The following TOX variants were observed in gnomAD, a reference collection of about 807,000 sequenced individuals.
TOX encodes the protein thymocyte selection associated high mobility group box.
A neutral mutation model predicts 53.7 loss-of-function variants in TOX; 11 were observed. The ratio of observed to expected loss-of-function variants is 0.20; its 90% confidence interval spans 0.13 to 0.34. TOX has a LOEUF of 0.34. Ranked by LOEUF, TOX falls within the 10% of genes least tolerant of loss-of-function variation. The pLI is 1.00. For missense variants in TOX, 570 were observed against 664.6 expected (o/e 0.86, Z 1.56); for synonymous variants, 225 against 245.3 (o/e 0.92, Z 0.77).
chr8:58,941,909 C>T (rs1812448009), intron 2 of TOX, among the ~76,000 whole-genome samples: 1 of 151,744 alleles, frequency 6.6e-6, no homozygotes, highest in African/African-American at 2.4e-5. Flanking sequence ...AAAAATTAGC[C>T]GGGTGTGGTG....
At chr8:58,893,857 A>G (rs1811598624) in intron 3 of TOX, among the ~76,000 whole-genome samples, 1 of 152,250 alleles carries the variant, frequency 6.6e-6, no homozygotes. Flanking sequence ...AAATGCATGA[A>G]GAGGCGAATT....
chr8:58,861,384 A>G (rs529315538), intron 3 of TOX, among the ~76,000 whole-genome samples: 1 of 152,340 alleles, frequency 6.6e-6, no homozygotes, highest in South Asian at 2.1e-4. Context: ...ACCTATGATT[A>G]GAATCAACGA....
rs540599679 is a variant in TOX at position 59,071,492 on chromosome 8, T to C, written c.102+47394A>G. On this transcript the variant is annotated intron_variant, in intron 1 of 8. Transcript: ENST00000361421. ...GCAGCTTGTTTTAGTTATGTCTTAA[T>C]TAAATGGAGTTGCACATTTAGAAGC... Among the ~76,000 whole-genome samples the C allele has an allele frequency of 2.0e-5, 3 of 152,336 alleles. No individual in the cohort carries two copies. In the South Asian group the frequency reaches 6.2e-4, roughly 32 times the overall value.
chr8:59,110,996 C>T (rs1805006561), intron 1 of TOX, among the ~76,000 whole-genome samples: 1 of 152,106 alleles, frequency 6.6e-6, no homozygotes, highest in Non-Finnish European at 1.5e-5. Flanking sequence ...AATAATCTAC[C>T]TACTTAATTC....
intron 3 of TOX, among the ~76,000 whole-genome samples, chr8:58,852,192 G>T (rs562825738): frequency 2.0e-5 from 3 of 152,082 alleles, no homozygotes; most frequent in African/African-American, 7.2e-5. Flanking sequence ...TAGAGTGTCT[G>T]TCAAAATTAT....
At chr8:59,043,304 T>C (rs1483188992) in intron 1 of TOX, among the ~76,000 whole-genome samples, 5 of 151,966 alleles carry the variant, frequency 3.3e-5, no homozygotes, top group African/African-American at 1.2e-4. Context: ...CAACTAGATA[T>C]GTGTTAAAGT....
At chr8:58,921,657 T>C (rs1408579546) in intron 3 of TOX, among the ~76,000 whole-genome samples, 1 of 152,192 alleles carries the variant, frequency 6.6e-6, no homozygotes, top group Non-Finnish European at 1.5e-5. Context: ...CTCAAACTCT[T>C]CTCTGCCCTT....
At chr8:59,104,489 A>G (rs1333839090) in intron 1 of TOX, among the ~76,000 whole-genome samples, 1 of 152,096 alleles carries the variant, frequency 6.6e-6, no homozygotes, top group African/African-American at 2.4e-5. Context: ...CTTATTACAC[A>G]TGACTAATTA....
intron 3 of TOX, among the ~76,000 whole-genome samples, chr8:58,906,007 A>T (rs768849331): frequency 6.6e-6 from 1 of 152,160 alleles, no homozygotes; most frequent in African/African-American, 2.4e-5. Flanking sequence ...TTGTTTAAGG[A>T]TGTACTTTTC....
chr8:58,909,270 T>C (rs1811869874), intron 3 of TOX, among the ~76,000 whole-genome samples: 1 of 152,172 alleles, frequency 6.6e-6, no homozygotes, highest in South Asian at 2.1e-4. Flanking sequence ...GGTGATGGGT[T>C]GATAGGTGCA....
At chr8:59,019,835 A>G (rs1311487357) in intron 1 of TOX, among the ~76,000 whole-genome samples, 1 of 152,178 alleles carries the variant, frequency 6.6e-6, no homozygotes, top group Non-Finnish European at 1.5e-5. Context: ...AGTGTATTTC[A>G]TATATTCTAC....
In TOX at chr8:58,852,099, G is replaced by T. The variant is rs540498654; in HGVS notation, c.412-294C>A. ...AGTCTTTCTACACTAGTGAAATATA[G>T]AAATATATTATTTATATATGTATTT... On this transcript the variant is annotated intron_variant, in intron 3 of 8. Coordinates refer to ENST00000361421, the MANE Select transcript of TOX (RefSeq NM_014729.3). Among the ~76,000 whole-genome samples the T allele has an allele frequency of 1.3e-4, 20 of 151,872 alleles. No individual in the cohort carries two copies. The East Asian group carries it at 3.3e-3, about 25-fold the overall frequency.
intron 1 of TOX, among the ~76,000 whole-genome samples, chr8:58,968,983 T>C (rs1812953289): frequency 6.6e-6 from 1 of 152,120 alleles, no homozygotes; most frequent in Non-Finnish European, 1.5e-5. Flanking sequence ...AGTGGTAGTA[T>C]CAAATAAAAA....
intron 3 of TOX, among the ~76,000 whole-genome samples, chr8:58,880,911 A>G (rs942440093): frequency 1.3e-5 from 2 of 152,184 alleles, no homozygotes; most frequent in Non-Finnish European, 2.9e-5. Context: ...TGAAGATGTG[A>G]ATAATGTACC....
rs143766552 is a variant in TOX at position 58,897,178 on chromosome 8, A to G, written c.411+42124T>C. Among the ~76,000 whole-genome samples the G allele has an allele frequency of 6.6e-3, 1,012 of 152,300 alleles. 10 individuals carry two copies. Among genetic ancestry groups the G allele is most frequent in the African/African-American group, 0.023 (956 of 41,570 alleles). Reference sequence around the variant, plus strand: ...GAAAGTTCTATAAGCAAATTCACCTATATAAAAATGCCCTGCCTTTCCCAG... The same window carrying G: ...GAAAGTTCTATAAGCAAATTCACCTGTATAAAAATGCCCTGCCTTTCCCAG... On this transcript the variant is annotated intron_variant, in intron 3 of 8. Coordinates refer to ENST00000361421, the MANE Select transcript of TOX (RefSeq NM_014729.3).
At chr8:59,056,349 T>C (rs1803887963) in intron 1 of TOX, among the ~76,000 whole-genome samples, 1 of 147,820 alleles carries the variant, frequency 6.8e-6, no homozygotes, top group African/African-American at 2.5e-5. Flanking sequence ...GGTGGATCAC[T>C]TGAGCCCAGG....
intron 6 of TOX, among the ~76,000 whole-genome samples, chr8:58,825,021 A>G (rs1032291176): frequency 1.3e-5 from 2 of 152,202 alleles, no homozygotes; most frequent in African/African-American, 4.8e-5. Context: ...TAATGTAGAA[A>G]AAATATGTTT....
At chr8:59,027,359 T>C (rs1814263665) in intron 1 of TOX, among the ~76,000 whole-genome samples, 1 of 152,176 alleles carries the variant, frequency 6.6e-6, no homozygotes, top group Non-Finnish European at 1.5e-5. Context: ...AAAAAAAGTG[T>C]GATCTTCGAG....
intron 5 of TOX, 67 bp downstream of exon 5, chr8:58,838,014 G>A (rs778075443): frequency 1.0e-5 from 15 of 1,467,220 alleles, no homozygotes; most frequent in Non-Finnish European, 1.4e-5. Context: ...CAAGCCCTGG[G>A]AGGCCATTTC....
Sources: allele counts gnomAD v4.1 joint callset (sites outside exome capture counted in the v4.1 genomes callset), GRCh38; gene constraint gnomAD v4.1.1; transcripts MANE v1.5; gene names NCBI Gene and HGNC (gene_info 2026-07-23, HGNC 2026-07-21).